MBD5: variants seen among roughly 807,000 people sequenced by gnomAD.
MBD5 encodes the protein methyl-CpG-binding domain protein 5.
MBD5 carries 13 observed loss-of-function variants against 117.3 expected under a neutral mutation model. The observed-to-expected ratio is 0.11, with a 90% CI of 0.07 to 0.18. MBD5 has a LOEUF of 0.18. Ranked by LOEUF, MBD5 falls within the 10% of genes least tolerant of loss-of-function variation. MBD5 has a pLI of 1.00. For synonymous variants in MBD5, 727 were observed against 766.4 expected (o/e 0.95, Z 0.85); for missense variants, 1,879 against 2,093.8 (o/e 0.90, Z 2.00).
chr2:148,256,983 C>A (rs78692046), intron 3 of MBD5, among the ~76,000 whole-genome samples: 1 of 152,356 alleles, frequency 6.6e-6, no homozygotes, highest in Non-Finnish European at 1.5e-5. Context: ...ATGCACCCAT[C>A]CTGCTATAGG....
chr2:148,138,743 G>T (rs1279192186), intron 1 of MBD5, among the ~76,000 whole-genome samples: 1 of 152,172 alleles, frequency 6.6e-6, no homozygotes, highest in African/African-American at 2.4e-5. Context: ...ATGGATATGG[G>T]TAGGGAAAGA....
intron 3 of MBD5, among the ~76,000 whole-genome samples, chr2:148,250,700 T>C (rs1700444688): frequency 6.6e-6 from 1 of 152,230 alleles, no homozygotes; most frequent in African/African-American, 2.4e-5. Context: ...GTCATTATAC[T>C]ATGGTGGTGC....
chr2:148,070,888 T>A (rs973491476), intron 1 of MBD5: 1 of 151,906 alleles, frequency 6.6e-6, no homozygotes, highest in Non-Finnish European at 1.5e-5. Flanking sequence ...GTCTCGCTCT[T>A]GTCACCAGGC....
At chr2:148,250,709 G>A (rs1429207289) in intron 3 of MBD5, among the ~76,000 whole-genome samples, 7 of 152,166 alleles carry the variant, frequency 4.6e-5, no homozygotes, top group Non-Finnish European at 4.4e-5. Context: ...CTATGGTGGT[G>A]CATTCAGAGA....
intron 4 of MBD5, among the ~76,000 whole-genome samples, chr2:148,387,026 A>T (rs957603648): frequency 3.3e-5 from 5 of 152,192 alleles, no homozygotes; most frequent in Admixed American, 2.6e-4. Context: ...AGAGAATGGG[A>T]AAAGATGGAA....
chr2:148,420,981 G>C (rs1361412187), intron 4 of MBD5, among the ~76,000 whole-genome samples: 1 of 152,044 alleles, frequency 6.6e-6, no homozygotes, highest in African/African-American at 2.4e-5. Context: ...CACCTGTCTT[G>C]GCCTCCCAAA....
chr2:148,035,324 TTAA>T (rs753273886), intron 1 of MBD5, among the ~76,000 whole-genome samples: 2 of 151,880 alleles, frequency 1.3e-5, no homozygotes, highest in South Asian at 2.1e-4. Context: ...TATATTACTA[TTAA>T]TAACTGTTCT....
chr2:148,473,467 G>T (rs1048869452), intron 8 of MBD5, among the ~76,000 whole-genome samples: 7 of 152,092 alleles, frequency 4.6e-5, no homozygotes, highest in Non-Finnish European at 7.4e-5. Context: ...ACAGAGCTTA[G>T]ATACAACTCA....
intron 4 of MBD5, among the ~76,000 whole-genome samples, chr2:148,440,868 A>G (rs1230842309): frequency 1.3e-5 from 2 of 152,218 alleles, no homozygotes; most frequent in South Asian, 2.1e-4. Flanking sequence ...AGAGAGCAAC[A>G]TATGCGAAGG....
chr2:148,290,372 G>C (rs969264996), intron 3 of MBD5, among the ~76,000 whole-genome samples: 1 of 151,880 alleles, frequency 6.6e-6, no homozygotes, highest in Non-Finnish European at 1.5e-5. Context: ...TTAAGAATGA[G>C]ATTCCTGCCT....
At chr2:148,468,274 TTCCC>T in intron 7 of MBD5, 63 bp from the exon 8 acceptor site, 10 of 1,370,746 alleles carry the variant, frequency 7.3e-6, no homozygotes, top group Non-Finnish European at 9.3e-6. Flanking sequence ...CCTCCATTCC[TTCCC>T]TCCCTCCCAC....
chr2:148,108,096 G>C (rs1350702467), intron 1 of MBD5, among the ~76,000 whole-genome samples: 1 of 146,008 alleles, frequency 6.8e-6, no homozygotes, highest in African/African-American at 2.5e-5. Flanking sequence ...CCAAACTTCT[G>C]TACAGCCAAT....
Position 148,468,321 on chromosome 2 carries a change from T to C in MBD5, c.398-20T>C. The C allele has an allele frequency of 6.2e-7, 1 of 1,608,510 alleles. No individual in the cohort carries two copies. Among genetic ancestry groups the C allele is most frequent in the Non-Finnish European group, 8.5e-7 (1 of 1,175,722 alleles). Reference sequence around the variant, plus strand: ...GAGTTGAGACTGTTAACAGAATTCTTTTTTTCTCTTTCACATCAGATGCAA... The same window carrying C: ...GAGTTGAGACTGTTAACAGAATTCTCTTTTTCTCTTTCACATCAGATGCAA... On this transcript the variant is annotated intron_variant, in intron 7 of 13. Coordinates refer to ENST00000642680, the MANE Select transcript of MBD5 (RefSeq NM_001378120.1).
At chr2:148,324,360 C>G (rs1702383047) in intron 3 of MBD5, among the ~76,000 whole-genome samples, 1 of 152,076 alleles carries the variant, frequency 6.6e-6, no homozygotes, top group Admixed American at 6.6e-5. Flanking sequence ...GTAGTTTTTT[C>G]CAATTCTGTG....
chr2:148,180,358 A>ATATATATATATATATG (rs1302286887), intron 2 of MBD5, among the ~76,000 whole-genome samples: 1 of 118,908 alleles, frequency 8.4e-6, no homozygotes, highest in African/African-American at 2.8e-5. Flanking sequence ...ATATATATAT[A>ATATATATATATATATG]TATGTATATA....
At chr2:148,022,123 G>T (rs1327354507) in intron 1 of MBD5, among the ~76,000 whole-genome samples, 1 of 152,206 alleles carries the variant, frequency 6.6e-6, no homozygotes, top group Non-Finnish European at 1.5e-5. Context: ...TCGGGATCTG[G>T]ATTGTATTGG....
chr2:148,377,465 G>A (rs1208340800), intron 4 of MBD5, among the ~76,000 whole-genome samples: 1 of 152,110 alleles, frequency 6.6e-6, no homozygotes, highest in Admixed American at 6.6e-5. Flanking sequence ...AACCATCACA[G>A]GTAGTAAATT....
chr2:148,240,643 A>G (rs1470067349), intron 3 of MBD5, among the ~76,000 whole-genome samples: 2 of 152,134 alleles, frequency 1.3e-5, no homozygotes, highest in Non-Finnish European at 2.9e-5. Flanking sequence ...TTTTTAGTAT[A>G]TATCTTCTTT....
intron 8 of MBD5, among the ~76,000 whole-genome samples, chr2:148,476,021 G>A (rs1240535660): frequency 6.6e-6 from 1 of 152,176 alleles, no homozygotes; most frequent in African/African-American, 2.4e-5. Flanking sequence ...TAAAAGTGGA[G>A]CTAGACAACA....
Sources: gnomAD v4.1 joint callset for allele counts (sites outside exome capture counted in the v4.1 genomes callset) on GRCh38, gnomAD v4.1.1 for gene constraint, MANE v1.5 for transcripts, NCBI Gene and HGNC (gene_info 2026-07-23, HGNC 2026-07-21) for gene names.